The following SLC25A48 variants were observed in gnomAD, a reference collection of about 807,000 sequenced individuals.
SLC25A48 encodes CTC-321K16.1.
Under a neutral mutation model 32.2 loss-of-function variants are expected in SLC25A48, and 29 were observed. The observed-to-expected ratio is 0.90, with a 90% confidence interval of 0.67 to 1.23. The LOEUF (loss-of-function observed/expected upper bound fraction) is 1.23, where lower values mean the gene tolerates loss of function less well. Among genes scored for constraint, SLC25A48 ranks in the 50% most tolerant of loss-of-function variants. SLC25A48 has a pLI of 0.00. For synonymous variants in SLC25A48, 164 were observed against 172.3 expected (o/e 0.95, Z 0.38); for missense variants, 399 against 422.7 (o/e 0.94, Z 0.49).
At chr5:135,612,178 T>A (rs557934135) in intron 1 of SLC25A48, among the ~76,000 whole-genome samples, 60 of 152,334 alleles carry the variant, frequency 3.9e-4, no homozygotes, top group African/African-American at 1.4e-3. Context: ...TACAAAACAT[T>A]GCTGAAAGTC....
intron 1 of SLC25A48, among the ~76,000 whole-genome samples, chr5:135,590,656 C>G (rs1334970535): frequency 1.3e-5 from 2 of 152,116 alleles, no homozygotes; most frequent in Non-Finnish European, 1.5e-5. Context: ...TTGAACGTTT[C>G]CAGGGCTGCT....
At chr5:135,651,271 C>T (rs1753104044) in intron 3 of SLC25A48, among the ~76,000 whole-genome samples, 1 of 152,102 alleles carries the variant, frequency 6.6e-6, no homozygotes, top group African/African-American at 2.4e-5. Context: ...TTTTGAGCTC[C>T]TATAGTGCCC....
chr5:135,760,256 A>T (rs1195598728), intron 3 of SLC25A48, among the ~76,000 whole-genome samples: 4 of 152,162 alleles, frequency 2.6e-5, no homozygotes, highest in African/African-American at 9.7e-5. Flanking sequence ...ATACGTGCAT[A>T]TATTCCTGTT....
At chr5:135,697,120 A>G (rs1176439622) in intron 3 of SLC25A48, among the ~76,000 whole-genome samples, 5 of 152,210 alleles carry the variant, frequency 3.3e-5, no homozygotes, top group African/African-American at 4.8e-5. Context: ...TTCTGGGCTC[A>G]TTAAAGACAT....
chr5:135,666,525 G>A (rs949084969), intron 3 of SLC25A48, among the ~76,000 whole-genome samples: 1 of 152,076 alleles, frequency 6.6e-6, no homozygotes, highest in Non-Finnish European at 1.5e-5. Flanking sequence ...TGTAGTCTTG[G>A]GGGGAACTTC....
At chr5:135,777,271 A>C (rs945247256) in intron 3 of SLC25A48, among the ~76,000 whole-genome samples, 2 of 151,944 alleles carry the variant, frequency 1.3e-5, no homozygotes, top group African/African-American at 4.8e-5. Flanking sequence ...CTAGAGGGGT[A>C]GTAGATGATA....
At chr5:135,755,517 G>A (rs1450648187) in intron 3 of SLC25A48, among the ~76,000 whole-genome samples, 18 of 151,794 alleles carry the variant, frequency 1.2e-4, no homozygotes, top group Admixed American at 1.2e-3. Context: ...TGGTATTAAT[G>A]AAATATCACT....
intron 3 of SLC25A48, among the ~76,000 whole-genome samples, chr5:135,851,612 G>A (rs1759873337): frequency 6.6e-6 from 1 of 152,220 alleles, no homozygotes; most frequent in African/African-American, 2.4e-5. Context: ...GCGTGTGTGT[G>A]CGTGTGCAGG....
chr5:135,646,681 A>ATATATATATATAT (rs1420073417), intron 3 of SLC25A48, among the ~76,000 whole-genome samples: 26 of 144,312 alleles, frequency 1.8e-4, no homozygotes, highest in South Asian at 2.2e-4. Context: ...ATATATATAC[A>ATATATATATATAT]ATGGGAAGGA....
rs147425759 is a variant in SLC25A48 at position 135,646,736 on chromosome 5, A to G, written c.-521+11780A>G. ...TGCCAGGCACAGAAAGACAAACACT[A>G]CATCATCTCACTGAAAAGTGGAATC... On this transcript the variant is annotated intron_variant, in intron 3 of 10. Coordinates refer to the SLC25A48 transcript ENST00000646290. 5.0e-4 allele frequency among the ~76,000 whole-genome samples: 74 copies of G among 149,060 alleles called. No individual in the cohort carries two copies. The East Asian group carries it at 0.013, about 25-fold the overall frequency.
At chr5:135,825,517 G>A (rs745731611) in intron 4 of SLC25A48, among the ~76,000 whole-genome samples, 6 of 152,162 alleles carry the variant, frequency 3.9e-5, no homozygotes, top group Non-Finnish European at 5.9e-5. Flanking sequence ...TGCTTCCTGG[G>A]CTGTAGAGCA....
At chr5:135,789,055 G>A (rs1756938907) in intron 3 of SLC25A48, among the ~76,000 whole-genome samples, 1 of 151,450 alleles carries the variant, frequency 6.6e-6, no homozygotes, top group Non-Finnish European at 1.5e-5. Context: ...ACACCCCCAT[G>A]CCATATGGTC....
chr5:135,708,901 A>T (rs1293451919), intron 3 of SLC25A48, among the ~76,000 whole-genome samples: 2 of 152,228 alleles, frequency 1.3e-5, no homozygotes, highest in East Asian at 3.8e-4. Context: ...AATCATGGCT[A>T]GATGGGCTCC....
intron 5 of SLC25A48, among the ~76,000 whole-genome samples, chr5:135,873,148 G>A (rs963058772): frequency 2.6e-5 from 4 of 152,226 alleles, no homozygotes; most frequent in African/African-American, 7.2e-5. Flanking sequence ...GGCTCCTGGA[G>A]GACCAAGGGC....
intron 3 of SLC25A48, among the ~76,000 whole-genome samples, chr5:135,654,980 G>T (rs963339158): frequency 6.6e-6 from 1 of 152,196 alleles, no homozygotes; most frequent in South Asian, 2.1e-4. Flanking sequence ...TCCATCTGTC[G>T]GAGTCAGTGT....
intron 3 of SLC25A48, among the ~76,000 whole-genome samples, chr5:135,759,446 A>G (rs1756007016): frequency 6.6e-6 from 1 of 152,162 alleles, no homozygotes; most frequent in Admixed American, 6.6e-5. Flanking sequence ...GGTGCAATAA[A>G]TATCTTTTCT....
intron 2 of SLC25A48, 70 bp downstream of exon 2, chr5:135,842,529 C>A: frequency 1.4e-6 from 2 of 1,448,758 alleles, no homozygotes; most frequent in Non-Finnish European, 9.7e-7. Context: ...GGGACTATTC[C>A]TGCTGTTTCT....
In SLC25A48 at chr5:135,672,309, C is replaced by A. The variant is rs562685379; in HGVS notation, c.-521+37353C>A. Among the ~76,000 whole-genome samples the A allele has an allele frequency of 2.6e-5, 4 of 152,258 alleles. No homozygotes were observed. In the South Asian group the frequency reaches 8.3e-4, roughly 32 times the overall value. On this transcript the variant is annotated intron_variant, in intron 3 of 10. Transcript: ENST00000646290. ...ATGTGGGTTTTGGGCCTGAAATGAG[C>A]AAGGAAGAAGCTGATCATGTTGAAC...
chr5:135,832,407 C>CAGCT (rs769167922), upstream of SLC25A48, among the ~76,000 whole-genome samples: 97 of 152,276 alleles, frequency 6.4e-4, no homozygotes, highest in Non-Finnish European at 9.6e-4. Flanking sequence ...CAGGCATGGA[C>CAGCT]AGCTGACCCA....
Sources: gnomAD v4.1 joint callset for allele counts (sites outside exome capture counted in the v4.1 genomes callset) on GRCh38, gnomAD v4.1.1 for gene constraint, MANE v1.5 for transcripts, NCBI Gene and HGNC (gene_info 2026-07-23, HGNC 2026-07-21) for gene names.